The following KLRF2 variants were observed in gnomAD, a reference collection of about 807,000 sequenced individuals.
KLRF2 encodes the protein killer cell lectin like receptor F2.
A neutral mutation model predicts 25.3 loss-of-function variants in KLRF2; 28 were observed. The observed-to-expected ratio is 1.11, with a 90% CI of 0.82 to 1.52. The LOEUF (loss-of-function observed/expected upper bound fraction) is 1.52, where lower values mean the gene tolerates loss of function less well. Ranked by LOEUF, KLRF2 falls within the 40% of genes most tolerant of loss-of-function variation. The pLI, the probability that KLRF2 is intolerant of heterozygous loss-of-function variation, is 0.00. For synonymous variants in KLRF2, 73 were observed against 85.0 expected, an observed-to-expected ratio of 0.86 and a Z score of 0.78; for missense variants, 265 against 245.8, an observed-to-expected ratio of 1.08 and a Z score of -0.52.
At chr12:9,886,557 G>A (rs1366174785) in intron 2 of KLRF2, among the ~76,000 whole-genome samples, 2 of 152,106 alleles carry the variant, frequency 1.3e-5, no homozygotes, top group Non-Finnish European at 2.9e-5. Flanking sequence ...AGAGAGGAGA[G>A]TCAGAGGGTA....
At chr12:9,881,756 T>G in intron 1 of KLRF2, 91 bp downstream of exon 1, 2 of 909,484 alleles carry the variant, frequency 2.2e-6, no homozygotes, top group Non-Finnish European at 3.4e-6. Flanking sequence ...ATCTTAACAT[T>G]GATCATAATA....
intron 1 of KLRF2, 138 bp downstream of exon 1, chr12:9,881,803 T>A: frequency 1.5e-6 from 1 of 689,356 alleles, no homozygotes; most frequent in Non-Finnish European, 2.4e-6. Context: ...TCTGTTAGAT[T>A]ATTTAGATTC....
chr12:9,894,151 T>TCC (rs1565524103), intron 5 of KLRF2, among the ~76,000 whole-genome samples: 1 of 147,470 alleles, frequency 6.8e-6, no homozygotes, highest in East Asian at 2.1e-4. Flanking sequence ...TCTCTCTCTC[T>TCC]CTCCCTCCCT....
intron 2 of KLRF2, among the ~76,000 whole-genome samples, chr12:9,886,992 G>A (rs977234569): frequency 9.2e-5 from 14 of 151,712 alleles, no homozygotes; most frequent in South Asian, 2.1e-4. Flanking sequence ...CAAATATCCC[G>A]GAGCACAGAG....
At chr12:9,895,141 T>G (rs752830469) in intron 5 of KLRF2, among the ~76,000 whole-genome samples, 1 of 152,208 alleles carries the variant, frequency 6.6e-6, no homozygotes, top group African/African-American at 2.4e-5. Context: ...TACTTTGACT[T>G]AAACAAAATC....
chr12:9,884,710 C>T (rs1868131606), intron 1 of KLRF2, among the ~76,000 whole-genome samples: 1 of 150,680 alleles, frequency 6.6e-6, no homozygotes, highest in Non-Finnish European at 1.5e-5. Flanking sequence ...CTCAAAAACA[C>T]CACCAAATAA....
chr12:9,882,088 A>C (rs906872189), intron 1 of KLRF2, among the ~76,000 whole-genome samples: 1 of 152,196 alleles, frequency 6.6e-6, no homozygotes, highest in Admixed American at 6.5e-5. Flanking sequence ...AGAACAATCT[A>C]CTGGGAATGC....
chr12:9,885,035 G>A lies in KLRF2; in HGVS notation c.169+3G>A, dbSNP rs1025957426. ...AGGGATTGACCTGAAGTTCTGGCGTGAGTAGTAAATTTTTATTTATTTGAA... is the reference window on the plus strand; with the variant it reads ...AGGGATTGACCTGAAGTTCTGGCGTAAGTAGTAAATTTTTATTTATTTGAA... On this transcript the variant is annotated splice_donor_region_variant and intron_variant, in intron 2 of 5. Coordinates refer to ENST00000535540, the MANE Select transcript of KLRF2 (RefSeq NM_001190765.1). 1 of 1,173,002 alleles carries A rather than the reference G, an allele frequency of 8.5e-7. No homozygotes were observed. Among genetic ancestry groups the A allele is most frequent in the Non-Finnish European group, 1.1e-6 (1 of 912,824 alleles). The allele number at this position is 1,173,002 out of a possible 1,614,324, so 72.7% of individuals were successfully genotyped here. A position where few individuals can be genotyped will look rare whatever the true frequency, so the allele number is the denominator to read the frequency against.
chr12:9,892,654 G>A (rs1392869280), intron 3 of KLRF2, among the ~76,000 whole-genome samples: 3 of 140,252 alleles, frequency 2.1e-5, no homozygotes, highest in Admixed American at 7.8e-5. Flanking sequence ...GCTCGATCAC[G>A]GCTCACCGCA....
intron 2 of KLRF2, among the ~76,000 whole-genome samples, chr12:9,887,229 C>G (rs1207450020): frequency 6.6e-6 from 1 of 151,932 alleles, no homozygotes; most frequent in East Asian, 1.9e-4. Flanking sequence ...CAAGAACCCA[C>G]TAAGTTCGGA....
intron 1 of KLRF2, among the ~76,000 whole-genome samples, chr12:9,884,493 T>C (rs192068384): frequency 1.3e-5 from 2 of 151,122 alleles, no homozygotes; most frequent in Admixed American, 6.6e-5. Flanking sequence ...GTCACTAAAT[T>C]GAATAACACA....
chr12:9,895,794 A>T lies in KLRF2; in HGVS notation c.585A>T (p.Arg195Ser). 1 of 1,535,560 alleles carries T rather than the reference A, an allele frequency of 6.5e-7. No individual in the cohort carries two copies. Among genetic ancestry groups the T allele is most frequent in the Non-Finnish European group, 8.7e-7 (1 of 1,146,692 alleles). Residue 195 changes from arginine (R) to serine (S), a missense_variant, in exon 6 of 6, where the codon AGA becomes AGT. Physicochemically the swap from Arg to Ser is moderately radical, Grantham distance 110. Coordinates refer to ENST00000535540, the MANE Select transcript of KLRF2 (RefSeq NM_001190765.1). Reference protein sequence around the residue: ...CSSTFKGICQRDAILTHNGTS... With the variant: ...CSSTFKGICQSDAILTHNGTS... The stretch of plus-strand genomic sequence containing the variant: ...CCACATTTAAGGGCATTTGCCAGAG[A>T]GATGCGATCTTGACGCACAATGGAA...
chr12:9,882,856 C>A (rs556005289), intron 1 of KLRF2, among the ~76,000 whole-genome samples: 1 of 152,276 alleles, frequency 6.6e-6, no homozygotes, highest in Non-Finnish European at 1.5e-5. Flanking sequence ...AGCTTTTAGC[C>A]TTCTTAAATC....
At chr12:9,894,701 T>C (rs1326462636) in intron 5 of KLRF2, among the ~76,000 whole-genome samples, 1 of 152,176 alleles carries the variant, frequency 6.6e-6, no homozygotes, top group Non-Finnish European at 1.5e-5. Context: ...TTCATTTCAG[T>C]TCAGATATTT....
At chr12:9,885,634 G>T (rs1006930353) in intron 2 of KLRF2, among the ~76,000 whole-genome samples, 1 of 151,872 alleles carries the variant, frequency 6.6e-6, no homozygotes. Context: ...CTTAATAAAG[G>T]ATCCATATTT....
intron 5 of KLRF2, among the ~76,000 whole-genome samples, chr12:9,895,462 A>C (rs988169243): frequency 1.5e-4 from 23 of 152,214 alleles, no homozygotes; most frequent in African/African-American, 5.3e-4. Flanking sequence ...TTGAGAGGTA[A>C]GGAAGAAGCT....
At chr12:9,890,459 A>T (rs1862663569) in intron 3 of KLRF2, among the ~76,000 whole-genome samples, 1 of 152,164 alleles carries the variant, frequency 6.6e-6, no homozygotes. Context: ...GTTGTAGGGT[A>T]CAGGTTACTG....
At chr12:9,886,621 T>C (rs1169962706) in intron 2 of KLRF2, among the ~76,000 whole-genome samples, 1 of 152,110 alleles carries the variant, frequency 6.6e-6, no homozygotes, top group Non-Finnish European at 1.5e-5. Flanking sequence ...TTATTACCAA[T>C]TAAATTTAAA....
chr12:9,881,792 G>T (rs1284149850), intron 1 of KLRF2, 127 bp downstream of exon 1: 4 of 725,276 alleles, frequency 5.5e-6, no homozygotes, highest in South Asian at 4.0e-5. Flanking sequence ...GTCATAAATT[G>T]TCTGTTAGAT....
Sources: gnomAD v4.1 joint callset for allele counts (sites outside exome capture counted in the v4.1 genomes callset) on GRCh38, gnomAD v4.1.1 for gene constraint, MANE v1.5 for transcripts, NCBI Gene and HGNC (gene_info 2026-07-23, HGNC 2026-07-21) for gene names.